Variants in TVP23A observed in about 807,000 individuals in gnomAD.
TVP23A encodes the protein trans-golgi network vesicle protein 23 homolog A, also known as Golgi apparatus membrane protein TVP23 homolog A.
A neutral mutation model predicts 31.7 loss-of-function variants in TVP23A; 21 were observed. That is an observed-to-expected ratio of 0.66 (90% CI 0.47 to 0.95). The LOEUF is 0.95. Ranked by LOEUF, TVP23A falls within the 40% of genes least tolerant of loss-of-function variation. The probability of loss-of-function intolerance (pLI) is 0.00; values close to 1 mark genes in which losing one functional copy is unlikely to be tolerated. For synonymous variants in TVP23A, 104 were observed against 96.0 expected (o/e 1.08, Z -0.49); for missense variants, 279 against 255.6 (o/e 1.09, Z -0.62).
At position 10,769,070 on chromosome 16, in the gene TVP23A, C is replaced by T; in HGVS notation, c.*32G>A. The stretch of plus-strand genomic sequence containing the variant: ...AGGAATCCAAGAGTTTTGTAATCTC[C>T]ATCAGTCAAAAGAAGAGAACCTCAT... On this transcript the variant is annotated 3_prime_UTR_variant, in exon 8 of 8. Transcript: ENST00000299866. 1.2e-6 allele frequency: 2 copies of T among 1,614,064 alleles called. No homozygotes were observed. Among genetic ancestry groups the T allele is most frequent in the Non-Finnish European group, 1.7e-6 (2 of 1,180,024 alleles).
At chr16:10,811,685 A>T (rs2034205877) in intron 2 of TVP23A, among the ~76,000 whole-genome samples, 1 of 152,056 alleles carries the variant, frequency 6.6e-6, no homozygotes, top group African/African-American at 2.4e-5. Flanking sequence ...CGGGCGGATC[A>T]CGAGGTCAGG....
intron 6 of TVP23A, among the ~76,000 whole-genome samples, chr16:10,771,058 G>T (rs1453221517): frequency 6.6e-6 from 1 of 152,028 alleles, no homozygotes; most frequent in South Asian, 2.1e-4. Flanking sequence ...TGGTTGCTAG[G>T]GCTAGGAGGC....
At chr16:10,787,905 C>A (rs1375732460) in intron 2 of TVP23A, among the ~76,000 whole-genome samples, 7 of 152,074 alleles carry the variant, frequency 4.6e-5, no homozygotes, top group Admixed American at 4.6e-4. Flanking sequence ...GTAACATTTG[C>A]GTCAGATGCC....
At chr16:10,813,122 G>T (rs1308828384) in intron 2 of TVP23A, among the ~76,000 whole-genome samples, 1 of 152,040 alleles carries the variant, frequency 6.6e-6, no homozygotes, top group Non-Finnish European at 1.5e-5. Context: ...CCATCCCCAG[G>T]GCTTAGCCCA....
At position 10,818,480 on chromosome 16, in the gene TVP23A, C is replaced by G. The variant is rs751748832; in HGVS notation, c.9+5G>C. 6 of 1,605,120 alleles carry G rather than the reference C, an allele frequency of 3.7e-6. No homozygotes were observed. The Admixed American group carries it at 5.0e-5, about 13-fold the overall frequency. On this transcript the variant is annotated splice_donor_5th_base_variant and intron_variant, in intron 1 of 7. Coordinates refer to ENST00000299866, the MANE Select transcript of TVP23A (RefSeq NM_001079512.4). The surrounding 1 kb of genome is among the most constrained non-coding windows in gnomAD (Gnocchi z 4.7). ...CCTCCAGCCCCAGCATCCCCGAGGC[C>G]CTACCTGCTTCATCACCCTCCCAGG... is the stretch of plus-strand genomic sequence containing the variant.
At chr16:10,758,462 G>C (rs1235206208), downstream of TVP23A, among the ~76,000 whole-genome samples, 1 of 152,166 alleles carries the variant, frequency 6.6e-6, no homozygotes, top group African/African-American at 2.4e-5. Context: ...AAGCGAGTGA[G>C]GCCTTGTCCC....
intron 6 of TVP23A, 83 bp from the exon 7 acceptor site, chr16:10,770,414 C>T (rs2031494832): frequency 6.9e-7 from 1 of 1,452,144 alleles, no homozygotes; most frequent in Non-Finnish European, 9.3e-7. Flanking sequence ...AGAGAAAACC[C>T]ACAAAGTACA....
At chr16:10,795,230 C>A (rs146170440) in intron 2 of TVP23A, among the ~76,000 whole-genome samples, 384 of 150,800 alleles carry the variant, frequency 2.5e-3, no homozygotes, top group African/African-American at 8.8e-3. Context: ...AATATGTCTG[C>A]ATCCATGAGT....
rs1308736184 is a variant in TVP23A, at chr16:10,794,951, G to A, written c.90-19855C>T. 2.0e-5 allele frequency among the ~76,000 whole-genome samples: 3 copies of A among 152,018 alleles called. No homozygotes were observed. In the East Asian group the frequency reaches 5.8e-4, roughly 29 times the overall value. On this transcript the variant is annotated intron_variant, in intron 2 of 7. Transcript: ENST00000299866. ...AGAGCTAGTAACACAGGCGACCCGA[G>A]GCAGTGGCCTCTGAACTCCAATCTC...
intron 5 of TVP23A, 83 bp downstream of exon 5, chr16:10,773,230 C>A: frequency 1.4e-6 from 2 of 1,470,882 alleles, no homozygotes; most frequent in Non-Finnish European, 1.8e-6. Context: ...CAATCAATAA[C>A]AAATAACAAC....
downstream of TVP23A, chr16:10,761,906 C>G: frequency 6.8e-7 from 1 of 1,470,072 alleles, no homozygotes; most frequent in Non-Finnish European, 9.5e-7. Context: ...CGGTCAGCCC[C>G]ACAGGCACGG....
chr16:10,804,803 T>C (rs1354833206), intron 2 of TVP23A, among the ~76,000 whole-genome samples: 1 of 152,118 alleles, frequency 6.6e-6, no homozygotes, highest in Non-Finnish European at 1.5e-5. Context: ...TTTAGTGAAG[T>C]GAAATTCACA....
At chr16:10,787,573 T>C (rs773194113) in intron 2 of TVP23A, among the ~76,000 whole-genome samples, 15 of 152,110 alleles carry the variant, frequency 9.9e-5, no homozygotes, top group Non-Finnish European at 8.8e-5. Flanking sequence ...CCGTGAGCGC[T>C]ATGTGAATGT....
chr16:10,768,042 T>A lies in TVP23A; in HGVS notation c.*1060A>T. On this transcript the variant is annotated 3_prime_UTR_variant, in exon 8 of 8. Coordinates refer to ENST00000299866, the MANE Select transcript of TVP23A (RefSeq NM_001079512.4). The surrounding 1 kb of genome is among the most constrained non-coding windows in gnomAD (Gnocchi z 4.3). The stretch of plus-strand genomic sequence containing the variant: ...AGAAGTATAATTCAGAGTAAGTATT[T>A]CCATGAGTACTAAATGCAGATGCCT... 6.2e-7 allele frequency: 1 copy of A among 1,613,008 alleles called. No individual in the cohort carries two copies. The highest frequency in any genetic ancestry group is 8.5e-7 in the Non-Finnish European group (1 of 1,179,094).
chr16:10,761,523 T>C, exon 9 of TVP23A: 1 of 1,479,214 alleles, frequency 6.8e-7, no homozygotes, highest in Non-Finnish European at 9.4e-7. Context: ...CTCTCATGGA[T>C]GAGGAAACGA....
rs2034560158 is a variant in TVP23A at position 10,818,739 on chromosome 16, G to A, written c.-246C>T. On this transcript the variant is annotated 5_prime_UTR_variant, in exon 1 of 8. Coordinates refer to ENST00000299866, the MANE Select transcript of TVP23A (RefSeq NM_001079512.4). The surrounding 1 kb of genome is among the most constrained non-coding windows in gnomAD (Gnocchi z 4.7). ...GCCGGGGACGCGCCCAGGAGAGAAA[G>A]CGGCGGCAGGGAGGCAACGGCCTGG... The A allele has an allele frequency of 4.0e-6, 2 of 495,368 alleles. No individual in the cohort carries two copies. The highest frequency in any genetic ancestry group is 7.1e-5 in the East Asian group (2 of 28,082). 30.7% of individuals were successfully genotyped at this position (495,368 alleles called of 1,614,324 possible).
At chr16:10,762,492 G>A (rs144549027), downstream of TVP23A, among the ~76,000 whole-genome samples, 221 of 152,344 alleles carry the variant, frequency 1.5e-3, 1 homozygote, top group African/African-American at 4.7e-3. Flanking sequence ...GCGGGGCGCT[G>A]GGCAGGGCCT....
At chr16:10,791,333 C>A (rs2033091262) in intron 2 of TVP23A, among the ~76,000 whole-genome samples, 1 of 152,200 alleles carries the variant, frequency 6.6e-6, no homozygotes, top group Admixed American at 6.5e-5. Flanking sequence ...CAGGTGGCTT[C>A]TCTGCTACTG....
intron 2 of TVP23A, among the ~76,000 whole-genome samples, chr16:10,785,031 T>G (rs1228240008): frequency 6.8e-6 from 1 of 147,096 alleles, no homozygotes; most frequent in East Asian, 2.0e-4. Flanking sequence ...CGGGAGGCGG[T>G]GGTTGCAGTG....
Sources: gnomAD v4.1 joint callset for allele counts (sites outside exome capture counted in the v4.1 genomes callset) on GRCh38, gnomAD v4.1.1 for gene constraint, Gnocchi (gnomAD v3.1) non-coding constraint, MANE v1.5 for transcripts, NCBI Gene and HGNC (gene_info 2026-07-23, HGNC 2026-07-21) for gene names.